Variants in CLEC16A observed in about 807,000 individuals in gnomAD.
CLEC16A encodes protein CLEC16A.
A neutral mutation model predicts 109.5 loss-of-function variants in CLEC16A; 51 were observed. The ratio of observed to expected loss-of-function variants is 0.47; its 90% CI spans 0.37 to 0.59. The LOEUF (loss-of-function observed/expected upper bound fraction) is 0.59, where lower values mean the gene tolerates loss of function less well. Ranked by LOEUF, CLEC16A falls within the 20% of genes least tolerant of loss-of-function variation. CLEC16A has a pLI of 0.00. For synonymous variants in CLEC16A, 673 were observed against 564.2 expected (o/e 1.19, Z -2.73); for missense variants, 1,339 against 1,394.0 (o/e 0.96, Z 0.63).
At chr16:10,945,734 G>T (rs1006822529) in intron 1 of CLEC16A, among the ~76,000 whole-genome samples, 1 of 152,184 alleles carries the variant, frequency 6.6e-6, no homozygotes, top group Non-Finnish European at 1.5e-5. Context: ...TTTATTATCA[G>T]CTCAGCGAGG....
intron 16 of CLEC16A, 133 bp downstream of exon 16, chr16:11,044,205 G>A: frequency 1.4e-6 from 1 of 719,788 alleles, no homozygotes; most frequent in Non-Finnish European, 2.0e-6. Flanking sequence ...GAATAAAAAT[G>A]CTCAATTTCA....
intron 9 of CLEC16A, among the ~76,000 whole-genome samples, chr16:10,979,890 T>C (rs2043225250): frequency 6.6e-6 from 1 of 152,216 alleles, no homozygotes; most frequent in Non-Finnish European, 1.5e-5. Flanking sequence ...CTCTCAGATT[T>C]GTGTCTTGAG....
intron 16 of CLEC16A, 21 bp from the exon 17 acceptor site, chr16:11,047,271 C>T (rs1438313956): frequency 1.9e-6 from 3 of 1,598,110 alleles, no homozygotes; most frequent in Non-Finnish European, 2.6e-6. Flanking sequence ...TCTCCTCTTC[C>T]CTCCCTTCCT....
At chr16:11,006,398 T>G (rs1186853913) in intron 11 of CLEC16A, among the ~76,000 whole-genome samples, 51 of 152,214 alleles carry the variant, frequency 3.4e-4, no homozygotes, top group Admixed American at 3.3e-3. Context: ...GGTACTCCCC[T>G]TCTCTCTCAA....
At chr16:10,959,918 C>T (rs201817203) in intron 2 of CLEC16A, among the ~76,000 whole-genome samples, 35 of 151,966 alleles carry the variant, frequency 2.3e-4, no homozygotes, top group African/African-American at 7.7e-4. Context: ...CTGCCTAGAA[C>T]GGACGTGTCA....
intron 19 of CLEC16A, among the ~76,000 whole-genome samples, chr16:11,106,123 G>A (rs17806299): frequency 0.15 from 23,569 of 152,178 alleles, 2,180 homozygotes; most frequent in South Asian, 0.23. Flanking sequence ...GTCACCTTGT[G>A]TCAAATCTGT....
intron 11 of CLEC16A, among the ~76,000 whole-genome samples, chr16:11,012,850 C>T (rs6498146): frequency 0.29 from 44,638 of 151,964 alleles, 7,832 homozygotes; most frequent in African/African-American, 0.5. Flanking sequence ...TTTGTATTAT[C>T]GTCTACTTTA....
chr16:11,124,192 C>T (rs1326015274), intron 21 of CLEC16A, among the ~76,000 whole-genome samples: 3 of 152,210 alleles, frequency 2.0e-5, no homozygotes, highest in Non-Finnish European at 2.9e-5. Context: ...AATAAGTAGA[C>T]GTCAGTGTGG....
intron 2 of CLEC16A, among the ~76,000 whole-genome samples, 155 bp downstream of exon 2, chr16:10,958,065 A>AAT (rs2042076233): frequency 6.6e-6 from 1 of 151,996 alleles, no homozygotes; most frequent in South Asian, 2.1e-4. Context: ...AAAAAAAAAA[A>AAT]ATGCCCTTGA....
At chr16:11,088,393 G>C (rs779503385) in intron 19 of CLEC16A, among the ~76,000 whole-genome samples, 2 of 152,236 alleles carry the variant, frequency 1.3e-5, no homozygotes, top group Non-Finnish European at 2.9e-5. Context: ...TTCAGGTGCT[G>C]TGGCTGATGC....
intron 9 of CLEC16A, among the ~76,000 whole-genome samples, chr16:10,981,452 A>C (rs74544596): frequency 6.6e-6 from 1 of 152,080 alleles, no homozygotes; most frequent in Non-Finnish European, 1.5e-5. Flanking sequence ...AAAAGATGCA[A>C]TTTTTTATAG....
chr16:10,955,921 G>A lies in CLEC16A; in HGVS notation c.81-1861G>A, dbSNP rs556549685. Among the ~76,000 whole-genome samples the A allele has an allele frequency of 2.6e-5, 4 of 152,324 alleles. No homozygotes were observed. In the East Asian group the frequency reaches 7.7e-4, roughly 29 times the overall value. On this transcript the variant is annotated intron_variant, in intron 1 of 23. Transcript: ENST00000409790. ...CCAAAAGTCCAATTCAATGGGTCTG[G>A]GACAACTTACAAAGGTGATTCTGAT...
intron 22 of CLEC16A, among the ~76,000 whole-genome samples, chr16:11,136,910 C>T (rs549745273): frequency 3.3e-5 from 5 of 152,216 alleles, no homozygotes; most frequent in Non-Finnish European, 7.3e-5. Context: ...TTCCTCAGTG[C>T]CCAGTGTTAC....
intron 20 of CLEC16A, among the ~76,000 whole-genome samples, chr16:11,122,122 G>A (rs1450097167): frequency 2.0e-5 from 3 of 151,920 alleles, no homozygotes; most frequent in Admixed American, 1.3e-4. Context: ...GGCTCAGGCC[G>A]CCCCACCTCT....
intron 19 of CLEC16A, among the ~76,000 whole-genome samples, chr16:11,093,890 C>G (rs2050454919): frequency 6.6e-6 from 1 of 152,094 alleles, no homozygotes; most frequent in Non-Finnish European, 1.5e-5. Flanking sequence ...CTCTCATTCA[C>G]CCCAGGTGAG....
In CLEC16A at chr16:11,123,746, T is replaced by C. The variant is rs766451260; in HGVS notation, c.2273T>C (p.Met758Thr). 5 of 1,613,950 alleles carry C rather than the reference T, an allele frequency of 3.1e-6. No individual in the cohort carries two copies. The African/African-American group carries it at 4.0e-5, about 13-fold the overall frequency. ...VVKFAGLLQD[M>T]QVTGVEDDSR... ...CCTTTGCTTCTCACTGTGCAGGACA[T>C]GCAGGTGACTGGCGTGGAGGACGAC... Residue 758 changes from methionine to threonine, a missense_variant, in exon 21 of 24, where the codon ATG becomes ACG. By Grantham distance (81) the Met-to-Thr change is moderately conservative. This residue lies in a region of CLEC16A where 1,061 missense variants were observed against 1,006.8 expected (regional missense o/e 1.05). Transcript: ENST00000409790.
intron 11 of CLEC16A, among the ~76,000 whole-genome samples, chr16:11,006,132 G>A (rs201859759): frequency 1.3e-5 from 2 of 152,162 alleles, no homozygotes; most frequent in East Asian, 3.9e-4. Flanking sequence ...GCCAGCAAGT[G>A]GAGAGGGGGC....
At chr16:10,992,758 C>T (rs1189322613) in intron 10 of CLEC16A, among the ~76,000 whole-genome samples, 2 of 152,048 alleles carry the variant, frequency 1.3e-5, no homozygotes, top group Non-Finnish European at 2.9e-5. Flanking sequence ...ATGAACAAGA[C>T]ATCTGTCCCT....
intron 2 of CLEC16A, among the ~76,000 whole-genome samples, chr16:10,962,055 C>T (rs1418857967): frequency 6.7e-5 from 10 of 149,530 alleles, no homozygotes; most frequent in African/African-American, 1.7e-4. Context: ...TGGGCTCAAG[C>T]GGTCCTCCCA....
Sources: allele counts gnomAD v4.1 joint callset (sites outside exome capture counted in the v4.1 genomes callset), GRCh38; gene constraint gnomAD v4.1.1; regional missense constraint gnomAD v4.1.1; transcripts MANE v1.5; gene names NCBI Gene and HGNC (gene_info 2026-07-23, HGNC 2026-07-21).